Variants in PTPRD observed in about 807,000 individuals in gnomAD.
PTPRD encodes the protein receptor-type tyrosine-protein phosphatase delta.
PTPRD carries 34 observed loss-of-function variants against 214.5 expected under a neutral mutation model. The ratio of observed to expected loss-of-function variants is 0.16; its 90% CI spans 0.12 to 0.21. PTPRD has a LOEUF of 0.21. Among genes scored for constraint, PTPRD ranks in the 10% least tolerant of loss-of-function variants. The pLI is 1.00. For synonymous variants in PTPRD, 1,128 were observed against 845.7 expected, an observed-to-expected ratio of 1.33 and a Z score of -5.79; for missense variants, 2,545 against 2,398.7, an observed-to-expected ratio of 1.06 and a Z score of -1.27.
chr9:9,052,246 A>G (rs1436250222), intron 10 of PTPRD, among the ~76,000 whole-genome samples: 2 of 152,108 alleles, frequency 1.3e-5, no homozygotes, highest in Non-Finnish European at 2.9e-5. Context: ...CTTATTATCT[A>G]ATCACTTCCC....
chr9:8,394,479 T>C (rs1369583220), intron 36 of PTPRD, among the ~76,000 whole-genome samples: 2 of 152,142 alleles, frequency 1.3e-5, no homozygotes, highest in Non-Finnish European at 2.9e-5. Flanking sequence ...TTGCTAAGAA[T>C]TTAGAGAAAC....
chr9:9,937,587 A>T (rs536751587), intron 5 of PTPRD, among the ~76,000 whole-genome samples: 104 of 152,294 alleles, frequency 6.8e-4, no homozygotes, highest in African/African-American at 2.3e-3. Flanking sequence ...CACAAGATAC[A>T]GAATTGCTAT....
intron 9 of PTPRD, among the ~76,000 whole-genome samples, chr9:9,251,471 CTTCT>C (rs1163346883): frequency 6.6e-6 from 1 of 151,824 alleles, no homozygotes; most frequent in Non-Finnish European, 1.5e-5. Flanking sequence ...CCTTCTCTTC[CTTCT>C]TTATTTTGAA....
At chr9:10,333,122 G>C (rs2096781340) in intron 3 of PTPRD, among the ~76,000 whole-genome samples, 1 of 151,802 alleles carries the variant, frequency 6.6e-6, no homozygotes, top group Non-Finnish European at 1.5e-5. Flanking sequence ...AATACGAAGT[G>C]AGGATATTCA....
At chr9:10,039,158 C>G (rs768613704) in intron 3 of PTPRD, among the ~76,000 whole-genome samples, 4 of 152,004 alleles carry the variant, frequency 2.6e-5, no homozygotes, top group Non-Finnish European at 4.4e-5. Flanking sequence ...TTCAAATCAT[C>G]AAAATTATAA....
chr9:9,378,154 T>C (rs2061294219), intron 9 of PTPRD, among the ~76,000 whole-genome samples: 1 of 152,048 alleles, frequency 6.6e-6, no homozygotes, highest in African/African-American at 2.4e-5. Flanking sequence ...TATTACAGAG[T>C]AGTTTCACCA....
At chr9:9,140,868 G>A (rs2099859182) in intron 10 of PTPRD, among the ~76,000 whole-genome samples, 1 of 152,084 alleles carries the variant, frequency 6.6e-6, no homozygotes, top group South Asian at 2.1e-4. Context: ...GTGAGCCACC[G>A]TACCCGGCCA....
chr9:8,676,164 C>A (rs58186507), intron 12 of PTPRD, among the ~76,000 whole-genome samples: 8,675 of 152,148 alleles, frequency 0.057, 848 homozygotes, highest in African/African-American at 0.19. Context: ...AATCTCCATG[C>A]ATTTGTTTGC....
At chr9:10,436,851 G>C (rs1413621155) in intron 2 of PTPRD, among the ~76,000 whole-genome samples, 1 of 151,708 alleles carries the variant, frequency 6.6e-6, no homozygotes, top group Non-Finnish European at 1.5e-5. Flanking sequence ...CCTGAGGCTT[G>C]GTTCAGGAGG....
chr9:9,806,036 TA>T (rs2099070937), intron 5 of PTPRD, among the ~76,000 whole-genome samples: 1 of 152,124 alleles, frequency 6.6e-6, no homozygotes, highest in African/African-American at 2.4e-5. Flanking sequence ...CAAAAGCCAT[TA>T]CATATAAAGG....
intron 4 of PTPRD, among the ~76,000 whole-genome samples, chr9:9,980,966 T>A (rs1056800416): frequency 4.6e-5 from 7 of 152,164 alleles, no homozygotes; most frequent in Non-Finnish European, 1.0e-4. Flanking sequence ...ATCTGTATAG[T>A]CATTCTGCAG....
intron 2 of PTPRD, among the ~76,000 whole-genome samples, chr9:10,475,110 C>T (rs1005276238): frequency 6.6e-6 from 1 of 151,986 alleles, no homozygotes; most frequent in Non-Finnish European, 1.5e-5. Flanking sequence ...CAAAAGCTAG[C>T]AGAAGACAAG....
chr9:9,938,193 C>T (rs138415784), intron 5 of PTPRD, among the ~76,000 whole-genome samples: 6 of 152,136 alleles, frequency 3.9e-5, no homozygotes, highest in Admixed American at 3.3e-4. Context: ...CTACTACAAA[C>T]AGCTTTCAGT....
chr9:9,240,246 G>A (rs1020923868), intron 9 of PTPRD, among the ~76,000 whole-genome samples: 3 of 152,148 alleles, frequency 2.0e-5, no homozygotes, highest in Non-Finnish European at 4.4e-5. Flanking sequence ...GTTATTAAAT[G>A]TCTGCCTTAT....
chr9:9,200,666 T>A (rs566385772), intron 9 of PTPRD, among the ~76,000 whole-genome samples: 12 of 152,320 alleles, frequency 7.9e-5, no homozygotes, highest in Non-Finnish European at 1.8e-4. Flanking sequence ...TTGTAAATCC[T>A]TGTGGAAGAT....
At chr9:10,076,673 G>T (rs2154184985) in intron 3 of PTPRD, among the ~76,000 whole-genome samples, 1 of 152,178 alleles carries the variant, frequency 6.6e-6, no homozygotes, top group Non-Finnish European at 1.5e-5. Context: ...GTACTCATGG[G>T]GTCCCAACCC....
chr9:9,162,738 T>C (rs1437379660), intron 10 of PTPRD, among the ~76,000 whole-genome samples: 1 of 152,118 alleles, frequency 6.6e-6, no homozygotes, highest in Non-Finnish European at 1.5e-5. Flanking sequence ...TACTATTTTT[T>C]TTCTCTCCTT....
intron 11 of PTPRD, among the ~76,000 whole-genome samples, chr9:8,788,143 G>A (rs992577308): frequency 6.6e-6 from 1 of 151,404 alleles, no homozygotes; most frequent in African/African-American, 2.4e-5. Context: ...CTGTTATTCT[G>A]CATTCAAAAT....
intron 6 of PTPRD, among the ~76,000 whole-genome samples, chr9:9,742,671 T>A (rs915652591): frequency 7.2e-5 from 11 of 152,140 alleles, no homozygotes; most frequent in African/African-American, 2.6e-4. Context: ...ACAAAAAACA[T>A]GGTATGTTCC....
Sources: gnomAD v4.1 joint callset for allele counts (sites outside exome capture counted in the v4.1 genomes callset) on GRCh38, gnomAD v4.1.1 for gene constraint, MANE v1.5 for transcripts, NCBI Gene and HGNC (gene_info 2026-07-23, HGNC 2026-07-21) for gene names.